The following CALN1 variants were observed in gnomAD, a reference collection of about 807,000 sequenced individuals.
The protein encoded by CALN1 is calcium-binding protein 8.
A neutral mutation model predicts 30.6 loss-of-function variants in CALN1; 17 were observed. The ratio of observed to expected loss-of-function variants is 0.56; its 90% confidence interval spans 0.38 to 0.83. The LOEUF is 0.83. Ranked by LOEUF, CALN1 falls within the 40% of genes least tolerant of loss-of-function variation. The probability of loss-of-function intolerance (pLI) is 0.00; values close to 1 mark genes in which losing one functional copy is unlikely to be tolerated. For missense variants in CALN1, 291 were observed against 354.9 expected (o/e 0.82, Z 1.45); for synonymous variants, 156 against 131.4 (o/e 1.19, Z -1.28).
the CALN1 span, among the ~76,000 whole-genome samples, chr7:72,503,406 G>C: frequency 6.6e-6 from 1 of 151,876 alleles, no homozygotes. Flanking sequence ...GGTGCTCTCG[G>C]GGGTATTTGG....
intron 3 of CALN1, among the ~76,000 whole-genome samples, chr7:72,140,037 G>A (rs547222797): frequency 1.3e-5 from 2 of 152,136 alleles, no homozygotes; most frequent in South Asian, 4.2e-4. Flanking sequence ...TCGGGAGACT[G>A]AGGTGGGAGG....
intron 2 of CALN1, among the ~76,000 whole-genome samples, chr7:72,300,329 A>G (rs750965969): frequency 5.4e-5 from 8 of 149,166 alleles, no homozygotes; most frequent in Non-Finnish European, 8.9e-5. Flanking sequence ...CTGTAACTCT[A>G]TTTTTTTTTT....
chr7:72,144,411 CAAG>C (rs1189341968), intron 3 of CALN1, among the ~76,000 whole-genome samples: 4 of 152,190 alleles, frequency 2.6e-5, no homozygotes, highest in African/African-American at 7.2e-5. Flanking sequence ...ATCAATTCAA[CAAG>C]AAGAGCTAAC....
chr7:72,196,809 C>A (rs369983509), intron 3 of CALN1, among the ~76,000 whole-genome samples: 3 of 152,074 alleles, frequency 2.0e-5, no homozygotes, highest in Admixed American at 6.6e-5. Flanking sequence ...TATTTTTATT[C>A]CTGATGAGAA....
intron 5 of CALN1, among the ~76,000 whole-genome samples, chr7:71,887,661 G>C (rs1053333656): frequency 6.6e-6 from 1 of 152,164 alleles, no homozygotes; most frequent in Non-Finnish European, 1.5e-5. Context: ...AGGGAGATTA[G>C]AGCGGGGGTC....
chr7:72,363,267 C>T (rs1322280790), intron 2 of CALN1, among the ~76,000 whole-genome samples: 5 of 152,148 alleles, frequency 3.3e-5, no homozygotes, highest in Admixed American at 6.5e-5. Context: ...GAGACGAAGT[C>T]TCGCTCTGTT....
At chr7:72,487,793 G>C in the CALN1 span, among the ~76,000 whole-genome samples, 1 of 118,412 alleles carries the variant, frequency 8.4e-6, no homozygotes, top group Non-Finnish European at 1.8e-5. Context: ...AAAGAAAGAA[G>C]AAAGAAAGGA....
intron 5 of CALN1, among the ~76,000 whole-genome samples, chr7:71,963,868 C>T (rs762979873): frequency 1.3e-5 from 2 of 152,156 alleles, no homozygotes; most frequent in Admixed American, 1.3e-4. Flanking sequence ...AATTAAGTAA[C>T]TCATCTAACA....
At chr7:71,946,153 T>A (rs1401800592) in intron 5 of CALN1, among the ~76,000 whole-genome samples, 4 of 152,180 alleles carry the variant, frequency 2.6e-5, no homozygotes, top group Non-Finnish European at 2.9e-5. Flanking sequence ...AAATGGTAGA[T>A]GTTGGGCTCA....
At chr7:72,262,013 G>A (rs376688689) in intron 3 of CALN1, among the ~76,000 whole-genome samples, 2 of 152,250 alleles carry the variant, frequency 1.3e-5, no homozygotes, top group Non-Finnish European at 2.9e-5. Context: ...AGAAAGCTTC[G>A]CTCTTCAAAC....
At chr7:71,868,267 C>T (rs1057309718) in intron 5 of CALN1, among the ~76,000 whole-genome samples, 4 of 152,206 alleles carry the variant, frequency 2.6e-5, no homozygotes, top group East Asian at 3.9e-4. Flanking sequence ...GAGGCTTCTG[C>T]TCCTGGAGAG....
At chr7:72,397,724 AC>A (rs1806066081) in intron 2 of CALN1, among the ~76,000 whole-genome samples, 1 of 150,762 alleles carries the variant, frequency 6.6e-6, no homozygotes, top group Non-Finnish European at 1.5e-5. Context: ...TCACACACAC[AC>A]ACACACACAC....
chr7:72,475,078 G>A, the CALN1 span, among the ~76,000 whole-genome samples: 27 of 152,226 alleles, frequency 1.8e-4, no homozygotes, highest in South Asian at 4.2e-4. Flanking sequence ...AACATGCACC[G>A]GGCTTTGTCC....
chr7:72,207,250 G>C (rs769291613), intron 3 of CALN1, among the ~76,000 whole-genome samples: 2 of 152,122 alleles, frequency 1.3e-5, no homozygotes, highest in Non-Finnish European at 2.9e-5. Flanking sequence ...GTCGGCGGGA[G>C]GGAAGAACTT....
At chr7:71,921,105 C>T (rs1794922270) in intron 5 of CALN1, among the ~76,000 whole-genome samples, 1 of 152,144 alleles carries the variant, frequency 6.6e-6, no homozygotes, top group Non-Finnish European at 1.5e-5. Context: ...AACACAAGAA[C>T]AGAAGACCAA....
intron 3 of CALN1, among the ~76,000 whole-genome samples, chr7:72,140,741 G>A (rs1809868529): frequency 1.3e-5 from 2 of 152,200 alleles, no homozygotes; most frequent in African/African-American, 2.4e-5. Flanking sequence ...CAGGGCCCTG[G>A]AACCAAATGA....
intron 5 of CALN1, among the ~76,000 whole-genome samples, chr7:71,971,707 G>C (rs1182186343): frequency 6.6e-6 from 1 of 151,480 alleles, no homozygotes; most frequent in Non-Finnish European, 1.5e-5. Context: ...AGAACAGCCC[G>C]GGCAACATGG....
intron 4 of CALN1, among the ~76,000 whole-genome samples, chr7:72,065,365 T>C (rs1345207112): frequency 6.6e-6 from 1 of 152,006 alleles, no homozygotes; most frequent in African/African-American, 2.4e-5. Context: ...TTCACAGCAG[T>C]GGCCTCCCCG....
intron 2 of CALN1, among the ~76,000 whole-genome samples, chr7:72,377,903 C>G (rs1562932859): frequency 6.6e-6 from 1 of 152,168 alleles, no homozygotes; most frequent in Non-Finnish European, 1.5e-5. Flanking sequence ...ACTCACAGCT[C>G]TGGGAATGAG....
Sources: allele counts gnomAD v4.1 joint callset (sites outside exome capture counted in the v4.1 genomes callset), GRCh38; gene constraint gnomAD v4.1.1; transcripts MANE v1.5; gene names NCBI Gene and HGNC (gene_info 2026-07-23, HGNC 2026-07-21).